Variants in WDR1 observed in about 807,000 individuals in gnomAD.
The protein encoded by WDR1 is WD repeat-containing protein 1.
Under a neutral mutation model 71.9 loss-of-function variants are expected in WDR1, and 21 were observed. That is an observed-to-expected ratio of 0.29 (90% CI 0.21 to 0.42). WDR1 has a LOEUF of 0.42. Ranked by LOEUF, WDR1 falls within the 10% of genes least tolerant of loss-of-function variation. WDR1 has a pLI of 1.00. For missense variants in WDR1, 696 were observed against 824.5 expected, an observed-to-expected ratio of 0.84 and a Z score of 1.91; for synonymous variants, 424 against 347.4, an observed-to-expected ratio of 1.22 and a Z score of -2.45.
At chr4:10,078,658 C>G in intron 12 of WDR1, 2 of 476,274 alleles carry the variant, frequency 4.2e-6, no homozygotes, top group Non-Finnish European at 7.5e-6. Context: ...CTTGTGGGCA[C>G]CCGGGCAGTG....
chr4:10,097,726 G>A lies in WDR1; in HGVS notation c.543C>T (p.Phe181=), dbSNP rs781198297. The change falls in exon 5 of 15, where the codon TTC becomes TTT. Residue 181 remains phenylalanine, a synonymous_variant. Coordinates refer to ENST00000499869, the MANE Select transcript of WDR1 (RefSeq NM_017491.5). The part of the protein sequence containing the change: ...AAFFEGPPFK[F]KFTIGDHSRF... The stretch of plus-strand genomic sequence containing the variant: ...GTTCACTTACGCCAATTGTGAACTT[G>A]AACTTGAATGGGGGTCCCTCAAAGA... 3.9e-5 allele frequency: 63 copies of A among 1,609,124 alleles called. 1 individual carries two copies. In the East Asian group the frequency reaches 1.4e-3, roughly 36 times the overall value.
chr4:10,079,493 C>A (rs55848383), intron 11 of WDR1, among the ~76,000 whole-genome samples: 24,361 of 152,270 alleles, frequency 0.16, 2,512 homozygotes, highest in Middle Eastern at 0.24. Context: ...TTCCCACAGG[C>A]TGAGCCGGGA....
In WDR1 at chr4:10,077,862, T is replaced by C. The variant is rs1453513726; in HGVS notation, c.1460A>G (p.Glu487Gly). ...CACGTCGGTCACGGGGCCCTTGGCC[T>C]CTAGGAGCTTGCCCTCATCCTTCAG... ...TTLKDEGKLL[E>G]AKGPVTDVAY... The change falls in exon 13 of 15, where the codon GAG (glutamate) becomes GGG (glycine). Residue 487 changes from glutamate (E) to glycine (G), a missense_variant. By Grantham distance (98) the Glu-to-Gly change is moderately conservative. Transcript: ENST00000499869. 1.2e-6 allele frequency: 2 copies of C among 1,611,390 alleles called. No individual in the cohort carries two copies. Among genetic ancestry groups the C allele is most frequent in the Non-Finnish European group, 1.7e-6 (2 of 1,178,830 alleles).
intron 8 of WDR1, among the ~76,000 whole-genome samples, chr4:10,086,181 A>T (rs942411389): frequency 6.6e-6 from 1 of 152,196 alleles, no homozygotes; most frequent in African/African-American, 2.4e-5. Flanking sequence ...TCCCACTTGG[A>T]GGCCCACTGG....
chr4:10,116,497 A>T, intron 1 of WDR1, 154 bp downstream of exon 1: 1 of 615,856 alleles, frequency 1.6e-6, no homozygotes, highest in African/African-American at 2.0e-5. Context: ...CCCGCCCTGC[A>T]CCACCGAGGG....
intron 3 of WDR1, among the ~76,000 whole-genome samples, chr4:10,103,637 T>C (rs888281341): frequency 7.2e-5 from 11 of 152,186 alleles, no homozygotes; most frequent in Non-Finnish European, 1.3e-4. Context: ...CCAATTTGTG[T>C]TGGGCTGCAT....
intron 5 of WDR1, among the ~76,000 whole-genome samples, chr4:10,095,601 CACCAAA>C (rs1712291772): frequency 6.6e-6 from 1 of 152,250 alleles, no homozygotes; most frequent in Non-Finnish European, 1.5e-5. Flanking sequence ...TGCAGATACA[CACCAAA>C]GTGTATCTGC....
intron 5 of WDR1, chr4:10,093,061 T>C: frequency 7.8e-7 from 1 of 1,289,148 alleles, no homozygotes; most frequent in Non-Finnish European, 1.0e-6. Context: ...AAACCGAGGC[T>C]TGAAGCACTG....
At chr4:10,089,118 C>G (rs1426030007) in intron 5 of WDR1, among the ~76,000 whole-genome samples, 1 of 152,208 alleles carries the variant, frequency 6.6e-6, no homozygotes, top group East Asian at 1.9e-4. Context: ...AGGCCTCTTC[C>G]TGGAGGCACC....
rs1156354293 is a variant in WDR1, at chr4:10,105,885, G to T, written c.139-1899C>A. 2.6e-5 allele frequency among the ~76,000 whole-genome samples: 4 copies of T among 152,132 alleles called. No homozygotes were observed. In the East Asian group the frequency reaches 7.7e-4, roughly 29 times the overall value. ...GGAAATACCCAAATATCCATCAACA[G>T]GTGAACAGAGAAACAGGCAACACAC... On this transcript the variant is annotated intron_variant, in intron 2 of 14. Transcript: ENST00000499869.
chr4:10,092,963 A>G, intron 5 of WDR1: 1 of 922,720 alleles, frequency 1.1e-6, no homozygotes, highest in East Asian at 6.1e-5. Context: ...TGCAGCCAAC[A>G]CATAGCCAAG....
intron 2 of WDR1, among the ~76,000 whole-genome samples, chr4:10,105,190 T>G (rs758904834): frequency 6.6e-6 from 1 of 152,220 alleles, no homozygotes; most frequent in Non-Finnish European, 1.5e-5. Flanking sequence ...AACTCTTCTG[T>G]GCTTCCAGAT....
chr4:10,114,282 G>C (rs1713573563), intron 2 of WDR1, among the ~76,000 whole-genome samples: 1 of 152,218 alleles, frequency 6.6e-6, no homozygotes, highest in African/African-American at 2.4e-5. Flanking sequence ...TAAGAATACA[G>C]AGCTCAGAAA....
At chr4:10,082,806 C>T (rs1214613265) in intron 10 of WDR1, among the ~76,000 whole-genome samples, 4 of 152,182 alleles carry the variant, frequency 2.6e-5, no homozygotes, top group African/African-American at 9.7e-5. Flanking sequence ...CACACCTGGT[C>T]GTTGTCTGTG....
intron 1 of WDR1, 198 bp from the exon 2 acceptor site, chr4:10,116,432 G>A: frequency 1.2e-6 from 1 of 860,030 alleles, no homozygotes; most frequent in Non-Finnish European, 1.6e-6. Context: ...GGGCAGCGGG[G>A]CTCCTCCGGC....
chr4:10,097,607 C>T (rs753217828), intron 5 of WDR1, 104 bp downstream of exon 5: 138 of 1,337,932 alleles, frequency 1.0e-4, no homozygotes, highest in Non-Finnish European at 1.2e-4. Context: ...TCATGGCATA[C>T]GTGGCATGTG....
intron 3 of WDR1, among the ~76,000 whole-genome samples, chr4:10,100,430 G>A (rs972803505): frequency 2.6e-5 from 4 of 152,238 alleles, no homozygotes; most frequent in South Asian, 2.1e-4. Flanking sequence ...GCAAGAGCTC[G>A]TTACGAGTCA....
In WDR1 at chr4:10,084,489, G is replaced by A. The variant is rs958691646; in HGVS notation, c.993C>T (p.Asn331=). ...CAGAGTAAATGTAGGACTTGCCGCC[G>A]TTTTTATGCACCGTCAGACACTGGA... The part of the protein sequence containing the change: ...KSIQCLTVHK[N]GGKSYIYSGS... The change falls in exon 9 of 15, where the codon AAC becomes AAT. Residue 331 remains asparagine (N), a synonymous_variant. Transcript: ENST00000499869. The A allele has an allele frequency of 1.6e-5, 26 of 1,613,792 alleles. No individual in the cohort carries two copies. The highest frequency in any genetic ancestry group is 1.0e-4 in the Admixed American group (6 of 60,004).
At chr4:10,093,539 G>A (rs1712145722) in intron 5 of WDR1, among the ~76,000 whole-genome samples, 1 of 152,262 alleles carries the variant, frequency 6.6e-6, no homozygotes, top group South Asian at 2.1e-4. Context: ...CCACCCAACT[G>A]CCTCTCCCGT....
Sources: allele counts gnomAD v4.1 joint callset (sites outside exome capture counted in the v4.1 genomes callset), GRCh38; gene constraint gnomAD v4.1.1; transcripts MANE v1.5; gene names NCBI Gene and HGNC (gene_info 2026-07-23, HGNC 2026-07-21).